Variants in SDK1 observed in about 807,000 individuals in gnomAD.
SDK1 encodes sidekick cell adhesion molecule 1, also known as protein sidekick-1.
A neutral mutation model predicts 245.5 loss-of-function variants in SDK1; 157 were observed. That is an observed-to-expected ratio of 0.64 (90% CI 0.56 to 0.73). The LOEUF (loss-of-function observed/expected upper bound fraction) is 0.73. SDK1 is among the 30% of genes least tolerant of loss of function. The probability of loss-of-function intolerance (pLI) is 0.00; values close to 1 mark genes in which losing one functional copy is unlikely to be tolerated. For missense variants in SDK1, 3,583 were observed against 3,002.3 expected (o/e 1.19, Z -4.52); for synonymous variants, 1,647 against 1,278.5 (o/e 1.29, Z -6.15).
chr7:3,634,934 A>C lies in SDK1; in HGVS notation c.459-4070A>C, dbSNP rs556249171. 2.7e-3 allele frequency among the ~76,000 whole-genome samples: 413 copies of C among 152,338 alleles called. 3 individuals carry two copies. Among genetic ancestry groups the C allele is most frequent in the African/African-American group, 9.7e-3 (402 of 41,592 alleles). On this transcript the variant is annotated intron_variant, in intron 2 of 44. Coordinates refer to ENST00000404826, the MANE Select transcript of SDK1 (RefSeq NM_152744.4). ...ATTTAGGTATTGAAAAACAGGAAAA[A>C]GTAGAATGAGCAATCATATAAATAT...
At chr7:3,904,756 G>A (rs1289374915) in intron 5 of SDK1, among the ~76,000 whole-genome samples, 1 of 152,226 alleles carries the variant, frequency 6.6e-6, no homozygotes, top group Admixed American at 6.5e-5. Flanking sequence ...CACTTTGGGA[G>A]GCCTAGGAGG....
At chr7:3,643,425 C>G (rs1251145651) in intron 4 of SDK1, 2 of 146,182 alleles carry the variant, frequency 1.4e-5, no homozygotes, top group Admixed American at 1.4e-4. Flanking sequence ...ATTCTCGTCT[C>G]CTACCCCCAC....
At chr7:3,461,534 G>C (rs1780830978) in intron 1 of SDK1, among the ~76,000 whole-genome samples, 1 of 152,198 alleles carries the variant, frequency 6.6e-6, no homozygotes, top group Non-Finnish European at 1.5e-5. Context: ...TTGCTGTGGA[G>C]TGGCGTGAGG....
At chr7:3,333,652 C>T (rs1780125731) in intron 1 of SDK1, among the ~76,000 whole-genome samples, 1 of 152,144 alleles carries the variant, frequency 6.6e-6, no homozygotes, top group African/African-American at 2.4e-5. Context: ...AACGCCCTAC[C>T]CTTCCCTTCT....
chr7:4,037,370 A>G (rs892314382), intron 17 of SDK1, among the ~76,000 whole-genome samples: 2 of 139,192 alleles, frequency 1.4e-5, no homozygotes, highest in Non-Finnish European at 3.0e-5. Context: ...TGTAATCCCA[A>G]TACTTTGGGA....
chr7:3,306,272 A>C (rs1447343369), intron 1 of SDK1, among the ~76,000 whole-genome samples: 1 of 152,198 alleles, frequency 6.6e-6, no homozygotes, highest in Admixed American at 6.5e-5. Flanking sequence ...CCATCTACAC[A>C]TTCGTCTCCT....
At chr7:3,634,666 C>T (rs931416447) in intron 2 of SDK1, among the ~76,000 whole-genome samples, 3 of 152,328 alleles carry the variant, frequency 2.0e-5, no homozygotes, top group African/African-American at 7.2e-5. Flanking sequence ...AATAGACTTA[C>T]AATGAATATT....
intron 4 of SDK1, among the ~76,000 whole-genome samples, chr7:3,645,707 C>T (rs563889064): frequency 2.0e-5 from 3 of 152,240 alleles, no homozygotes; most frequent in African/African-American, 7.2e-5. Flanking sequence ...GAGGGTATCT[C>T]TGCATTCCTC....
chr7:3,951,498 G>T (rs1403513708), intron 6 of SDK1, among the ~76,000 whole-genome samples: 1 of 152,176 alleles, frequency 6.6e-6, no homozygotes, highest in Non-Finnish European at 1.5e-5. Context: ...ATGGTCCATT[G>T]CTGCGGCAAT....
intron 4 of SDK1, among the ~76,000 whole-genome samples, chr7:3,730,836 C>T (rs1779155440): frequency 6.6e-6 from 1 of 152,140 alleles, no homozygotes; most frequent in Non-Finnish European, 1.5e-5. Context: ...GCCTACCACA[C>T]TCTGGCCTTG....
intron 1 of SDK1, among the ~76,000 whole-genome samples, chr7:3,618,714 G>T (rs1320276317): frequency 6.6e-6 from 1 of 152,208 alleles, no homozygotes; most frequent in Non-Finnish European, 1.5e-5. Context: ...CTCTTTTATA[G>T]CCTGCATACA....
chr7:3,459,221 C>G (rs115040209), intron 1 of SDK1, among the ~76,000 whole-genome samples: 1 of 152,126 alleles, frequency 6.6e-6, no homozygotes, highest in Non-Finnish European at 1.5e-5. Flanking sequence ...GTACCTTGTT[C>G]ATTTCATAGG....
intron 13 of SDK1, among the ~76,000 whole-genome samples, chr7:3,975,990 C>T (rs1342860156): frequency 8.7e-5 from 4 of 46,140 alleles, no homozygotes; most frequent in Non-Finnish European, 1.8e-4. Context: ...CTGAGGGTCC[C>T]GGGGCTGAGG....
At chr7:3,730,761 G>A (rs1779152821) in intron 4 of SDK1, among the ~76,000 whole-genome samples, 1 of 152,118 alleles carries the variant, frequency 6.6e-6, no homozygotes, top group Non-Finnish European at 1.5e-5. Flanking sequence ...AATTGGAAGA[G>A]CCTCAGACAT....
chr7:3,930,302 C>T (rs1473141057), intron 5 of SDK1, among the ~76,000 whole-genome samples: 2 of 152,190 alleles, frequency 1.3e-5, no homozygotes, highest in African/African-American at 2.4e-5. Flanking sequence ...ACTAGACTCC[C>T]AGAGCATGGC....
chr7:3,675,152 C>T (rs1783852602), intron 4 of SDK1, among the ~76,000 whole-genome samples: 1 of 152,224 alleles, frequency 6.6e-6, no homozygotes, highest in Non-Finnish European at 1.5e-5. Flanking sequence ...CTGCTCCACC[C>T]ATAGTCTATA....
At chr7:4,265,081 G>T (rs751414802) in intron 44 of SDK1, 43 bp from the exon 45 acceptor site, 16 of 1,590,018 alleles carry the variant, frequency 1.0e-5, no homozygotes, top group Middle Eastern at 2.0e-4. Context: ...TCCGGGCCCT[G>T]CGCCCTGCCC....
At chr7:4,222,018 G>C (rs935459669) in intron 40 of SDK1, among the ~76,000 whole-genome samples, 1 of 152,154 alleles carries the variant, frequency 6.6e-6, no homozygotes, top group African/African-American at 2.4e-5. Flanking sequence ...GCTCCAATAT[G>C]ACCTTCAGAT....
In SDK1 at chr7:4,049,562, T is replaced by C. The variant is rs1048844586; in HGVS notation, c.2718+99T>C. 7.8e-6 allele frequency: 7 copies of C among 892,070 alleles called. No homozygotes were observed. In the African/African-American group the frequency reaches 9.8e-5, roughly 13 times the overall value. The allele number at this position is 892,070 out of a possible 1,614,324, so 55.3% of individuals were successfully genotyped here. ...CCCCCTCTTGTGTATCAAGAGCTGG[T>C]TGCATTAAGATACAGGGCGTCTTGA... On this transcript the variant is annotated intron_variant, in intron 18 of 44. Coordinates refer to ENST00000404826, the MANE Select transcript of SDK1 (RefSeq NM_152744.4).
Sources: gnomAD v4.1 joint callset for allele counts (sites outside exome capture counted in the v4.1 genomes callset) on GRCh38, gnomAD v4.1.1 for gene constraint, MANE v1.5 for transcripts, NCBI Gene and HGNC (gene_info 2026-07-23, HGNC 2026-07-21) for gene names.